The following VPS54 variants were observed in gnomAD, a reference collection of about 807,000 sequenced individuals.
The protein encoded by VPS54 is vacuolar protein sorting-associated protein 54.
In VPS54, 45 loss-of-function variants were observed where a neutral mutation model predicts 121.5. The ratio of observed to expected loss-of-function variants is 0.37; its 90% CI spans 0.29 to 0.47. The LOEUF (loss-of-function observed/expected upper bound fraction) is 0.47, where lower values mean the gene tolerates loss of function less well. Ranked by LOEUF, VPS54 falls within the 20% of genes least tolerant of loss-of-function variation. The probability of loss-of-function intolerance (pLI) is 0.99; values close to 1 mark genes in which losing one functional copy is unlikely to be tolerated. For missense variants in VPS54, 1,090 were observed against 1,131.4 expected (o/e 0.96, Z 0.52); for synonymous variants, 371 against 385.8 (o/e 0.96, Z 0.45).
At chr2:63,951,694 G>A (rs534463372) in intron 7 of VPS54, among the ~76,000 whole-genome samples, 2 of 152,150 alleles carry the variant, frequency 1.3e-5, no homozygotes, top group South Asian at 4.1e-4. Context: ...TGATAAAATA[G>A]ACTAGTACCT....
At chr2:63,997,300 G>A (rs527863327) in intron 1 of VPS54, among the ~76,000 whole-genome samples, 2 of 152,116 alleles carry the variant, frequency 1.3e-5, no homozygotes, top group African/African-American at 4.8e-5. Flanking sequence ...TTAAATGTTT[G>A]GTAGAATTCA....
chr2:63,981,781 T>A lies in VPS54; in HGVS notation c.243A>T (p.Arg81Ser). 2.5e-6 allele frequency: 4 copies of A among 1,613,836 alleles called. No individual in the cohort carries two copies. The highest frequency in any genetic ancestry group is 1.7e-6 in the Non-Finnish European group (2 of 1,179,826). The change falls in exon 3 of 23, where the codon AGA (arginine) becomes AGT (serine). Residue 81 changes from arginine (R) to serine (S), a missense_variant. Transcript: ENST00000272322. ...AGAAGTCAGATTCTCTTTTTGCTAA[T>A]CTAGGATCGTTTAATGCTGCTGGGA... ...VNLPAALNDPRLAKRESDFFT... is the reference protein window; with the variant it reads ...VNLPAALNDPSLAKRESDFFT...
At chr2:63,931,825 CCCA>C (rs1674218016) in intron 12 of VPS54, among the ~76,000 whole-genome samples, 1 of 152,048 alleles carries the variant, frequency 6.6e-6, no homozygotes, top group Admixed American at 6.6e-5. Flanking sequence ...AGCAAACAAC[CCCA>C]TCAAAAAGTG....
chr2:64,002,404 T>TA (rs913630205), intron 1 of VPS54, among the ~76,000 whole-genome samples: 1 of 152,252 alleles, frequency 6.6e-6, no homozygotes, highest in African/African-American at 2.4e-5. Flanking sequence ...TGGAGCCTTC[T>TA]AGTCCACCAT....
intron 10 of VPS54, among the ~76,000 whole-genome samples, chr2:63,944,210 T>C (rs1249185412): frequency 6.6e-6 from 1 of 152,180 alleles, no homozygotes; most frequent in Non-Finnish European, 1.5e-5. Flanking sequence ...CCTCTCCATA[T>C]CTATGTTCTG....
At chr2:63,955,611 T>C (rs939833020) in intron 7 of VPS54, among the ~76,000 whole-genome samples, 1 of 152,054 alleles carries the variant, frequency 6.6e-6, no homozygotes, top group Non-Finnish European at 1.5e-5. Context: ...AGTTCAATTA[T>C]CTAATACAGG....
intron 11 of VPS54, among the ~76,000 whole-genome samples, chr2:63,940,984 T>G (rs191815037): frequency 3.3e-5 from 5 of 152,304 alleles, no homozygotes; most frequent in Admixed American, 3.3e-4. Context: ...TGAACCTGAT[T>G]GGAGAGCTTA....
At chr2:63,931,375 G>C (rs566401966) in intron 12 of VPS54, among the ~76,000 whole-genome samples, 2 of 152,252 alleles carry the variant, frequency 1.3e-5, no homozygotes, top group African/African-American at 4.8e-5. Flanking sequence ...TCTGATCTTT[G>C]ACAAACCTGA....
chr2:63,932,339 G>A (rs1306877597), intron 12 of VPS54, among the ~76,000 whole-genome samples: 1 of 152,158 alleles, frequency 6.6e-6, no homozygotes, highest in South Asian at 2.1e-4. Context: ...AAAAAAGGAT[G>A]AGTTCATGTC....
At chr2:63,908,904 T>C (rs1478120150) in intron 20 of VPS54, among the ~76,000 whole-genome samples, 1 of 152,198 alleles carries the variant, frequency 6.6e-6, no homozygotes, top group Non-Finnish European at 1.5e-5. Flanking sequence ...AGACATGGGA[T>C]TTGAATTTAG....
chr2:63,920,014 A>T lies in VPS54; in HGVS notation c.2052-19T>A. The T allele has an allele frequency of 6.3e-7, 1 of 1,585,380 alleles. No homozygotes were observed. The highest frequency in any genetic ancestry group is 8.6e-7 in the Non-Finnish European group (1 of 1,163,808). On this transcript the variant is annotated intron_variant, in intron 14 of 22. Coordinates refer to ENST00000272322, the MANE Select transcript of VPS54 (RefSeq NM_016516.3). ...GAGGAGGCTAGTCCACAGTAAGGAG[A>T]AAAGAAGGTAAACTTTAACATTTCA...
chr2:63,987,167 C>G (rs1332543714), intron 1 of VPS54, among the ~76,000 whole-genome samples: 1 of 152,146 alleles, frequency 6.6e-6, no homozygotes, highest in Non-Finnish European at 1.5e-5. Context: ...GGACATTTTC[C>G]CCAAGGCTTT....
At chr2:63,989,799 T>G (rs1352479520) in intron 1 of VPS54, among the ~76,000 whole-genome samples, 4 of 152,192 alleles carry the variant, frequency 2.6e-5, no homozygotes, top group Non-Finnish European at 4.4e-5. Flanking sequence ...GAAAAAATGG[T>G]CACTCTATTC....
chr2:64,006,801 T>C (rs1349061904), intron 1 of VPS54, among the ~76,000 whole-genome samples: 3 of 151,956 alleles, frequency 2.0e-5, no homozygotes, highest in East Asian at 1.9e-4. Flanking sequence ...GTAATTTTAG[T>C]AGAGACAGGG....
At chr2:64,000,846 T>A (rs986210707) in intron 1 of VPS54, among the ~76,000 whole-genome samples, 1 of 151,920 alleles carries the variant, frequency 6.6e-6, no homozygotes, top group African/African-American at 2.4e-5. Context: ...CAGCACTGAG[T>A]CTCACCCAAG....
intron 1 of VPS54, among the ~76,000 whole-genome samples, chr2:64,008,716 G>T (rs1028224531): frequency 6.6e-6 from 1 of 152,130 alleles, no homozygotes; most frequent in African/African-American, 2.4e-5. Flanking sequence ...GGCTCTGAAG[G>T]TTCTGTGAAG....
chr2:63,933,582 G>A (rs143443338), intron 12 of VPS54, 91 bp downstream of exon 12: 24,377 of 1,211,226 alleles, frequency 0.02, 335 homozygotes, highest in Non-Finnish European at 0.024. Flanking sequence ...AATTTACATG[G>A]TTTTTCAATA....
chr2:63,991,888 C>T (rs1419216868), intron 1 of VPS54, among the ~76,000 whole-genome samples: 1 of 152,238 alleles, frequency 6.6e-6, no homozygotes, highest in Admixed American at 6.5e-5. Flanking sequence ...TGCTTGTCCA[C>T]CTCCACGTTA....
chr2:63,960,801 A>G (rs1306606357), intron 7 of VPS54, among the ~76,000 whole-genome samples: 1 of 152,244 alleles, frequency 6.6e-6, no homozygotes, highest in Non-Finnish European at 1.5e-5. Context: ...AAAATTAAAA[A>G]TAATTTAGTT....
Sources: allele counts gnomAD v4.1 joint callset (sites outside exome capture counted in the v4.1 genomes callset), GRCh38; gene constraint gnomAD v4.1.1; transcripts MANE v1.5; gene names NCBI Gene and HGNC (gene_info 2026-07-23, HGNC 2026-07-21).